The following SCARA3 variants were observed in gnomAD, a reference collection of about 807,000 sequenced individuals.
SCARA3 encodes cellular stress response gene protein.
A neutral mutation model predicts 47.0 loss-of-function variants in SCARA3; 39 were observed. The ratio of observed to expected loss-of-function variants is 0.83; its 90% CI spans 0.64 to 1.08. SCARA3 has a LOEUF of 1.08. Ranked by LOEUF, SCARA3 falls within the 50% of genes least tolerant of loss-of-function variation. The pLI is 0.00. For synonymous variants in SCARA3, 356 were observed against 334.1 expected (o/e 1.07, Z -0.71); for missense variants, 724 against 792.3 (o/e 0.91, Z 1.04).
At chr8:27,660,652 A>ATAGATAGG (rs1801884789) in intron 5 of SCARA3, among the ~76,000 whole-genome samples, 1 of 150,474 alleles carries the variant, frequency 6.6e-6, no homozygotes, top group African/African-American at 2.4e-5. Context: ...AGATAGATAG[A>ATAGATAGG]TAGATCTAGA....
At chr8:27,696,652 T>G in the SCARA3 span, among the ~76,000 whole-genome samples, 1 of 144,190 alleles carries the variant, frequency 6.9e-6, no homozygotes, top group Non-Finnish European at 1.5e-5. Context: ...AGAGTCTCAC[T>G]CTTGCCCAGG....
downstream of SCARA3, among the ~76,000 whole-genome samples, chr8:27,674,884 A>T (rs1802241065): frequency 2.0e-5 from 3 of 151,924 alleles, no homozygotes; most frequent in Admixed American, 2.0e-4. Flanking sequence ...GTGCACCACC[A>T]TGCCCAGCTA....
chr8:27,669,502 C>T (rs1371582633), intron 5 of SCARA3, among the ~76,000 whole-genome samples: 14 of 152,232 alleles, frequency 9.2e-5, no homozygotes. Flanking sequence ...GCCAGGGGCT[C>T]CTGCAGGCCA....
At chr8:27,668,923 A>G (rs1802081013) in intron 5 of SCARA3, among the ~76,000 whole-genome samples, 1 of 152,178 alleles carries the variant, frequency 6.6e-6, no homozygotes, top group African/African-American at 2.4e-5. Flanking sequence ...TGGCATAGAA[A>G]GGAATGGAGT....
chr8:27,693,033 G>A, the SCARA3 span, among the ~76,000 whole-genome samples: 5 of 150,790 alleles, frequency 3.3e-5, no homozygotes, highest in Non-Finnish European at 7.4e-5. Flanking sequence ...GGCTGAGGCA[G>A]AGAACCACTT....
chr8:27,664,938 C>T (rs1801984795), intron 5 of SCARA3, among the ~76,000 whole-genome samples: 1 of 152,216 alleles, frequency 6.6e-6, no homozygotes, highest in Admixed American at 6.5e-5. Flanking sequence ...CATGTAAAAT[C>T]TCTCACAATT....
At chr8:27,675,526 G>A (rs897498150), downstream of SCARA3, among the ~76,000 whole-genome samples, 9 of 152,272 alleles carry the variant, frequency 5.9e-5, no homozygotes, top group South Asian at 2.1e-4. Context: ...GTATACACAG[G>A]CTGGTGTAGT....
At chr8:27,685,909 CA>C in the SCARA3 span, among the ~76,000 whole-genome samples, 1 of 151,980 alleles carries the variant, frequency 6.6e-6, no homozygotes, top group Non-Finnish European at 1.5e-5. Flanking sequence ...GTTTCTCCAA[CA>C]AATAAACACA....
rs193224808 is a variant in SCARA3, at chr8:27,650,139, C to T, written c.106+339C>T. 2.0e-4 allele frequency among the ~76,000 whole-genome samples: 31 copies of T among 151,922 alleles called. 1 individual carries two copies. Among genetic ancestry groups the T allele is most frequent in the South Asian group, 6.3e-4 (3 of 4,730 alleles). On this transcript the variant is annotated intron_variant, in intron 2 of 5. Coordinates refer to ENST00000301904, the MANE Select transcript of SCARA3 (RefSeq NM_016240.3). ...TCCCAAGTAGCTGTGACTGTTGGCA[C>T]GCACCACCATGCCTGGATAATTTTT...
In SCARA3 at chr8:27,656,876, C is replaced by T. The variant is rs201004914; in HGVS notation, c.321C>T (p.Gly107=). 5 of 1,593,384 alleles carry T rather than the reference C, an allele frequency of 3.1e-6. No homozygotes were observed. The East Asian group carries it at 1.1e-4, about 36-fold the overall frequency. ...KLVLMQKNLQ[G]LDPKALNNCS... is the part of the protein sequence containing the mutation. Reference sequence around the variant, plus strand: ...TGTTAATGCAGAAAAATCTCCAGGGCCTGGGTAAGTAGATGGGCTGATGAC... The same window carrying T: ...TGTTAATGCAGAAAAATCTCCAGGGTCTGGGTAAGTAGATGGGCTGATGAC... Residue 107 remains glycine, a synonymous_variant, in exon 4 of 6, where the codon GGC becomes GGT. Transcript: ENST00000301904.
the SCARA3 span, among the ~76,000 whole-genome samples, chr8:27,698,533 C>A: frequency 2.0e-5 from 3 of 151,924 alleles, no homozygotes; most frequent in Non-Finnish European, 4.4e-5. Flanking sequence ...CGAAATAAGA[C>A]AAACAAAGAA....
At chr8:27,642,974 T>A (rs906612736) in intron 1 of SCARA3, among the ~76,000 whole-genome samples, 1 of 151,884 alleles carries the variant, frequency 6.6e-6, no homozygotes, top group African/African-American at 2.4e-5. Flanking sequence ...GTCTGTTGCA[T>A]TGAGTGAGTA....
At chr8:27,690,628 T>G in the SCARA3 span, among the ~76,000 whole-genome samples, 26 of 152,218 alleles carry the variant, frequency 1.7e-4, no homozygotes, top group African/African-American at 5.5e-4. Flanking sequence ...ATTTAAAAAG[T>G]TAAAAAGTTT....
At chr8:27,720,010 T>A in the SCARA3 span, among the ~76,000 whole-genome samples, 2 of 152,156 alleles carry the variant, frequency 1.3e-5, no homozygotes, top group African/African-American at 4.8e-5. Context: ...AGGGAGAACT[T>A]CCTGAAGATG....
chr8:27,659,848 T>TAA (rs1164812144), intron 5 of SCARA3, among the ~76,000 whole-genome samples: 801 of 40,292 alleles, frequency 0.02, 26 homozygotes, highest in Non-Finnish European at 0.022. Context: ...AGTCCTTATC[T>TAA]AAAAAAAAAA....
At chr8:27,673,747 G>A (rs1002134538), downstream of SCARA3, among the ~76,000 whole-genome samples, 1 of 152,182 alleles carries the variant, frequency 6.6e-6, no homozygotes, top group Non-Finnish European at 1.5e-5. Context: ...CATTGTCACG[G>A]TGGGACTTAT....
At chr8:27,638,851 GGGCTCTTTTCCT>G (rs1801318013) in intron 1 of SCARA3, among the ~76,000 whole-genome samples, 4 of 152,150 alleles carry the variant, frequency 2.6e-5, no homozygotes, top group African/African-American at 9.7e-5. Flanking sequence ...GGGGTGGGCT[GGGCTCTTTTCCT>G]GGCTTTCCTT....
rs1802163458 is a variant in SCARA3 at position 27,671,645 on chromosome 8, C to T, written c.*294C>T. 6.2e-6 allele frequency: 7 copies of T among 1,122,942 alleles called. No homozygotes were observed. The highest frequency in any genetic ancestry group is 7.7e-6 in the Non-Finnish European group (7 of 914,802). The allele number at this position is 1,122,942 out of a possible 1,614,324, so 69.6% of individuals were successfully genotyped here. ...ACATACACAGGCATACATGCATGCA[C>T]ACACACATGCACGCACACACACATG... On this transcript the variant is annotated 3_prime_UTR_variant, in exon 6 of 6. Coordinates refer to ENST00000301904, the MANE Select transcript of SCARA3 (RefSeq NM_016240.3).
Position 27,671,207 on chromosome 8 carries a change from G to A in SCARA3, c.1677G>A (p.Gly559=), listed in dbSNP as rs1399113971. Residue 559 remains glycine, a synonymous_variant, in exon 6 of 6, where the codon GGG becomes GGA. Coordinates refer to ENST00000301904, the MANE Select transcript of SCARA3 (RefSeq NM_016240.3). ...CCCCGGGGTCTCCAGGGCCCTCAGGGCCTCAGGGAAAACCGGGAATTGCAG... is the reference window on the plus strand; with the variant it reads ...CCCCGGGGTCTCCAGGGCCCTCAGGACCTCAGGGAAAACCGGGAATTGCAG... ...EGPPGSPGPS[G]PQGKPGIAGK... The A allele has an allele frequency of 6.6e-7, 1 of 1,509,856 alleles. No individual in the cohort carries two copies. The highest frequency in any genetic ancestry group is 8.8e-7 in the Non-Finnish European group (1 of 1,134,324). The allele number at this position is 1,509,856 out of a possible 1,614,324, so 93.5% of individuals were successfully genotyped here. A position where few individuals can be genotyped will look rare whatever the true frequency, so the allele number is the denominator to read the frequency against.
Sources: allele counts gnomAD v4.1 joint callset (sites outside exome capture counted in the v4.1 genomes callset), GRCh38; gene constraint gnomAD v4.1.1; transcripts MANE v1.5; gene names NCBI Gene and HGNC (gene_info 2026-07-23, HGNC 2026-07-21).